The following FBXL4 variants were observed in gnomAD, a reference collection of about 807,000 sequenced individuals.
FBXL4 encodes F-box and leucine rich repeat protein 4, also known as F-box/LRR-repeat protein 4.
FBXL4 carries 40 observed loss-of-function variants against 58.9 expected under a neutral mutation model. The ratio of observed to expected loss-of-function variants is 0.68; its 90% confidence interval spans 0.53 to 0.88. FBXL4 has a LOEUF of 0.88. Ranked by LOEUF, FBXL4 falls within the 40% of genes least tolerant of loss-of-function variation. The pLI is 0.00. For synonymous variants in FBXL4, 263 were observed against 265.5 expected (o/e 0.99, Z 0.09); for missense variants, 676 against 734.4 (o/e 0.92, Z 0.92).
chr6:98,901,583 C>T (rs1032054408), intron 6 of FBXL4, among the ~76,000 whole-genome samples: 1 of 152,096 alleles, frequency 6.6e-6, no homozygotes, highest in Non-Finnish European at 1.5e-5. Flanking sequence ...TTCTCTCTCT[C>T]AAGAATCCCA....
chr6:98,883,492 T>A (rs1770922364), intron 7 of FBXL4, among the ~76,000 whole-genome samples: 1 of 152,004 alleles, frequency 6.6e-6, no homozygotes, highest in East Asian at 1.9e-4. Flanking sequence ...TTCCAAAAAG[T>A]TCTTCTTTAG....
At chr6:98,924,482 G>C (rs2300063) in intron 4 of FBXL4, among the ~76,000 whole-genome samples, 11,008 of 152,100 alleles carry the variant, frequency 0.072, 604 homozygotes, top group East Asian at 0.28. Context: ...TCATTAACCC[G>C]AGAGGCAGAG....
intron 1 of FBXL4, among the ~76,000 whole-genome samples, chr6:98,942,809 T>A (rs933849285): frequency 6.6e-6 from 1 of 152,078 alleles, no homozygotes; most frequent in Non-Finnish European, 1.5e-5. Flanking sequence ...AGGCAAGAGA[T>A]CCAGGTCTCA....
chr6:98,881,724 T>C (rs1770861400), intron 7 of FBXL4, among the ~76,000 whole-genome samples: 1 of 152,112 alleles, frequency 6.6e-6, no homozygotes, highest in Non-Finnish European at 1.5e-5. Flanking sequence ...AATTATTTCA[T>C]TATTGAGCAT....
chr6:98,879,173 C>T (rs1253090226), intron 8 of FBXL4, among the ~76,000 whole-genome samples: 4 of 152,152 alleles, frequency 2.6e-5, no homozygotes, highest in Non-Finnish European at 5.9e-5. Flanking sequence ...AGGTCAGGGA[C>T]CCTGTCTATT....
chr6:98,945,740 A>C (rs1773597476), intron 1 of FBXL4, among the ~76,000 whole-genome samples: 1 of 152,104 alleles, frequency 6.6e-6, no homozygotes, highest in African/African-American at 2.4e-5. Flanking sequence ...TTCTCTTAGA[A>C]ACCAGGTACA....
chr6:98,915,137 G>A (rs1426728885), intron 5 of FBXL4, among the ~76,000 whole-genome samples: 1 of 152,088 alleles, frequency 6.6e-6, no homozygotes, highest in African/African-American at 2.4e-5. Flanking sequence ...TATTCAAGGA[G>A]AACTACAAAC....
At chr6:98,900,794 G>A (rs141098522) in intron 6 of FBXL4, among the ~76,000 whole-genome samples, 96 of 152,200 alleles carry the variant, frequency 6.3e-4, no homozygotes, top group African/African-American at 2.1e-3. Context: ...GTGAACACCC[G>A]TTTATTCTAA....
chr6:98,898,893 G>A (rs1562226556), intron 7 of FBXL4: 2 of 985,342 alleles, frequency 2.0e-6, no homozygotes, highest in South Asian at 9.4e-5. Flanking sequence ...GTCTGGTCCA[G>A]GATAAATATC....
rs948068300 is a variant in FBXL4 at position 98,897,684 on chromosome 6, G to A, written c.1317+1584C>T. 5.3e-5 allele frequency among the ~76,000 whole-genome samples: 8 copies of A among 152,222 alleles called. No homozygotes were observed. In the South Asian group the frequency reaches 1.0e-3, roughly 20 times the overall value. On this transcript the variant is annotated intron_variant, in intron 7 of 9. Transcript: ENST00000369244. ...AGGGGCATGGCACTGTCATCTGCTC[G>A]GCTTCTGGTAAGGGCTTTCCTGCTG...
chr6:98,932,046 G>C (rs1773033780), intron 2 of FBXL4, among the ~76,000 whole-genome samples: 1 of 152,096 alleles, frequency 6.6e-6, no homozygotes, highest in Non-Finnish European at 1.5e-5. Context: ...TTCCCACCTG[G>C]TGCAAATAAA....
At chr6:98,932,908 T>C (rs1164910968) in intron 2 of FBXL4, among the ~76,000 whole-genome samples, 1 of 119,862 alleles carries the variant, frequency 8.3e-6, no homozygotes, top group Non-Finnish European at 1.8e-5. Flanking sequence ...AATGAAGTCA[T>C]AGAAAAAAAA....
At chr6:98,900,496 ATTGT>A (rs1194759766) in intron 6 of FBXL4, among the ~76,000 whole-genome samples, 1 of 152,288 alleles carries the variant, frequency 6.6e-6, no homozygotes, top group East Asian at 1.9e-4. Context: ...AGTTTTTTGC[ATTGT>A]TTGACTAGTT....
chr6:98,898,573 C>T, intron 7 of FBXL4: 2 of 940,908 alleles, frequency 2.1e-6, no homozygotes, highest in Non-Finnish European at 2.5e-6. Context: ...CCATTGCACT[C>T]CAGCCTGGGC....
At chr6:98,929,353 C>T (rs958387906) in intron 2 of FBXL4, among the ~76,000 whole-genome samples, 5 of 152,038 alleles carry the variant, frequency 3.3e-5, no homozygotes, top group African/African-American at 1.2e-4. Flanking sequence ...AGGTGGATCA[C>T]CTGAGGTCAG....
intron 6 of FBXL4, among the ~76,000 whole-genome samples, chr6:98,904,399 A>G (rs1771721421): frequency 6.6e-6 from 1 of 152,230 alleles, no homozygotes; most frequent in Non-Finnish European, 1.5e-5. Context: ...TTTGATGCAT[A>G]AACTATCAAG....
At chr6:98,941,826 T>G (rs1362360240) in intron 1 of FBXL4, among the ~76,000 whole-genome samples, 1 of 152,180 alleles carries the variant, frequency 6.6e-6, no homozygotes, top group Admixed American at 6.5e-5. Context: ...CAAATGGCAT[T>G]CAGGAAAAGT....
At chr6:98,899,046 T>G (rs1342437660) in intron 7 of FBXL4, 1 of 985,244 alleles carries the variant, frequency 1.0e-6, no homozygotes, top group East Asian at 1.1e-4. Flanking sequence ...ATCACAAAAA[T>G]TTTAAGAGCA....
intron 4 of FBXL4, among the ~76,000 whole-genome samples, chr6:98,918,183 TTTTCTC>T (rs1162507113): frequency 1.3e-5 from 2 of 152,166 alleles, no homozygotes; most frequent in African/African-American, 4.8e-5. Flanking sequence ...CATATTATCT[TTTTCTC>T]TTTATTTTAT....
Sources: gnomAD v4.1 joint callset for allele counts (sites outside exome capture counted in the v4.1 genomes callset) on GRCh38, gnomAD v4.1.1 for gene constraint, MANE v1.5 for transcripts, NCBI Gene and HGNC (gene_info 2026-07-23, HGNC 2026-07-21) for gene names.